COL25A1: variants seen among roughly 807,000 people sequenced by gnomAD.
COL25A1 encodes the protein collagen type XXV alpha 1 chain, also known as collagen alpha-1(XXV) chain.
A neutral mutation model predicts 128.4 loss-of-function variants in COL25A1; 103 were observed. The observed-to-expected ratio is 0.80, with a 90% confidence interval of 0.68 to 0.94. The LOEUF (loss-of-function observed/expected upper bound fraction) is 0.94. Among genes scored for constraint, COL25A1 ranks in the 40% least tolerant of loss-of-function variants. The pLI is 0.00. For synonymous variants in COL25A1, 279 were observed against 277.2 expected (o/e 1.01, Z -0.06); for missense variants, 745 against 840.0 (o/e 0.89, Z 1.40).
chr4:109,227,962 T>G (rs941850673), intron 3 of COL25A1, among the ~76,000 whole-genome samples: 1 of 152,114 alleles, frequency 6.6e-6, no homozygotes, highest in Non-Finnish European at 1.5e-5. Context: ...GGTGTAACTC[T>G]CAAGCCAAGG....
chr4:109,112,580 T>C (rs1221377561), intron 3 of COL25A1, among the ~76,000 whole-genome samples: 1 of 152,080 alleles, frequency 6.6e-6, no homozygotes, highest in Non-Finnish European at 1.5e-5. Flanking sequence ...TCAATATATC[T>C]CCTCAGTTTA....
intron 6 of COL25A1, among the ~76,000 whole-genome samples, chr4:109,003,871 T>G (rs1341885880): frequency 4.6e-5 from 7 of 152,140 alleles, no homozygotes; most frequent in African/African-American, 9.7e-5. Context: ...CCCTTTCTTC[T>G]TTCTGCCTTT....
At chr4:109,150,607 T>C (rs1270121869) in intron 3 of COL25A1, among the ~76,000 whole-genome samples, 2 of 152,176 alleles carry the variant, frequency 1.3e-5, no homozygotes, top group Non-Finnish European at 2.9e-5. Flanking sequence ...GAATATAAGA[T>C]AGGAAAACTG....
chr4:108,858,835 TAGA>T (rs1736826673), intron 24 of COL25A1, among the ~76,000 whole-genome samples: 1 of 151,740 alleles, frequency 6.6e-6, no homozygotes, highest in Non-Finnish European at 1.5e-5. Flanking sequence ...AAAATGAAAG[TAGA>T]AGGTCAGAGA....
intron 20 of COL25A1, among the ~76,000 whole-genome samples, chr4:108,864,390 A>G (rs1038385295): frequency 6.6e-6 from 1 of 152,178 alleles, no homozygotes; most frequent in Non-Finnish European, 1.5e-5. Flanking sequence ...CTATTTACCA[A>G]TTCTGTGTTC....
intron 13 of COL25A1, among the ~76,000 whole-genome samples, chr4:108,913,729 C>T (rs1038172068): frequency 5.3e-5 from 8 of 151,990 alleles, no homozygotes; most frequent in African/African-American, 9.7e-5. Context: ...TTTTAAAAAC[C>T]AACATCTAAG....
chr4:109,211,280 ATATATGAAAC>A lies in COL25A1; in HGVS notation c.367+89293_367+89302del, dbSNP rs1409725113. ...TATATGTATATATATGAAACTATAT[ATATATGAAAC>A]TATATATATATATATATATATATAT... On this transcript the variant is annotated intron_variant, in intron 3 of 37. Transcript: ENST00000399132. Among the ~76,000 whole-genome samples the A allele has an allele frequency of 1.0e-3, 126 of 126,592 alleles. 1 individual carries two copies. Among genetic ancestry groups the A allele is most frequent in the Non-Finnish European group, 1.8e-3 (106 of 59,472 alleles). The allele number at this position is 126,592 out of a possible 152,430, so 83.0% of individuals were successfully genotyped here. A position where few individuals can be genotyped will look rare whatever the true frequency, so the allele number is the denominator to read the frequency against.
At chr4:109,088,250 T>C (rs1447094449) in intron 3 of COL25A1, among the ~76,000 whole-genome samples, 1 of 152,108 alleles carries the variant, frequency 6.6e-6, no homozygotes, top group East Asian at 1.9e-4. Flanking sequence ...CTCAGCTTTA[T>C]GAGTCTGAAT....
chr4:108,857,538 C>A (rs1262540478), intron 24 of COL25A1, among the ~76,000 whole-genome samples: 2 of 149,158 alleles, frequency 1.3e-5, no homozygotes, highest in African/African-American at 2.5e-5. Context: ...AATGAAAAGG[C>A]CAAAAAATAG....
chr4:108,824,303 G>A lies in COL25A1; in HGVS notation c.1792-76C>T, dbSNP rs1732119764. On this transcript the variant is annotated intron_variant, in intron 34 of 37. Transcript: ENST00000399132. ...AATCATATAGAAACAAATATTTTAG[G>A]ATTTTACATTTCTGAGCTTAAATAT... 4 of 1,030,152 alleles carry A rather than the reference G, an allele frequency of 3.9e-6. No individual in the cohort carries two copies. In the Admixed American group the frequency reaches 9.2e-5, roughly 24 times the overall value. 63.8% of individuals were successfully genotyped at this position (1,030,152 alleles called of 1,614,324 possible).
chr4:109,197,468 T>C (rs1164673086), intron 3 of COL25A1, among the ~76,000 whole-genome samples: 6 of 72,692 alleles, frequency 8.3e-5, no homozygotes, highest in Admixed American at 7.8e-4. Context: ...AAATATTATA[T>C]ATAATATATA....
intron 6 of COL25A1, among the ~76,000 whole-genome samples, chr4:108,984,840 A>G (rs1177169426): frequency 3.3e-5 from 5 of 152,252 alleles, no homozygotes; most frequent in Non-Finnish European, 5.9e-5. Context: ...AAGTGCCGCC[A>G]AAGTGGGAGC....
chr4:108,957,652 A>G (rs1201255354), intron 8 of COL25A1, among the ~76,000 whole-genome samples: 1 of 152,264 alleles, frequency 6.6e-6, no homozygotes, highest in African/African-American at 2.4e-5. Flanking sequence ...GCTTTTTAAA[A>G]GAGTGAGTTC....
intron 3 of COL25A1, among the ~76,000 whole-genome samples, chr4:109,273,594 G>GA (rs1278603928): frequency 1.3e-5 from 2 of 152,158 alleles, no homozygotes; most frequent in Non-Finnish European, 2.9e-5. Flanking sequence ...TTAGTTGGTT[G>GA]AAAGCAATTA....
At chr4:109,271,767 G>A in intron 3 of COL25A1, among the ~76,000 whole-genome samples, 1 of 152,068 alleles carries the variant, frequency 6.6e-6, no homozygotes, top group African/African-American at 2.4e-5. Context: ...TTTTAAGATG[G>A]GGGTTAAGAA....
At chr4:109,100,174 G>C (rs1282336401) in intron 3 of COL25A1, among the ~76,000 whole-genome samples, 2 of 152,054 alleles carry the variant, frequency 1.3e-5, no homozygotes, top group African/African-American at 4.8e-5. Context: ...ACTACTTCTA[G>C]TAATTTAACT....
At chr4:108,962,950 T>C (rs1284536581) in intron 8 of COL25A1, among the ~76,000 whole-genome samples, 1 of 152,204 alleles carries the variant, frequency 6.6e-6, no homozygotes, top group African/African-American at 2.4e-5. Flanking sequence ...ACAAAGCCAG[T>C]CTTGTTTGCC....
intron 3 of COL25A1, among the ~76,000 whole-genome samples, chr4:109,207,092 A>C (rs1451845681): frequency 6.6e-6 from 1 of 152,298 alleles, no homozygotes; most frequent in South Asian, 2.1e-4. Flanking sequence ...AATATCCAAC[A>C]CTTTAATGAC....
intron 3 of COL25A1, among the ~76,000 whole-genome samples, chr4:109,065,305 G>A (rs1187949635): frequency 6.6e-6 from 1 of 152,080 alleles, no homozygotes; most frequent in Non-Finnish European, 1.5e-5. Flanking sequence ...TTAGAAGTAG[G>A]AACACTCCCA....
Sources: allele counts gnomAD v4.1 joint callset (sites outside exome capture counted in the v4.1 genomes callset), GRCh38; gene constraint gnomAD v4.1.1; transcripts MANE v1.5; gene names NCBI Gene and HGNC (gene_info 2026-07-23, HGNC 2026-07-21).